CCDC183: variants seen among roughly 807,000 people sequenced by gnomAD.
CCDC183 encodes coiled-coil domain containing 183.
In CCDC183, 63 loss-of-function variants were observed where a neutral mutation model predicts 65.2. The observed-to-expected ratio is 0.97, with a 90% CI of 0.79 to 1.19. The LOEUF is 1.19. Ranked by LOEUF, CCDC183 falls within the 50% of genes most tolerant of loss-of-function variation. The probability of loss-of-function intolerance (pLI) is 0.00; values close to 1 mark genes in which losing one functional copy is unlikely to be tolerated. For synonymous variants in CCDC183, 323 were observed against 276.5 expected (o/e 1.17, Z -1.67); for missense variants, 769 against 689.3 (o/e 1.12, Z -1.30).
At chr9:136,799,009 C>G in intron 1 of CCDC183, 93 bp from the exon 2 acceptor site, 2 of 1,563,276 alleles carry the variant, frequency 1.3e-6, no homozygotes, top group South Asian at 1.2e-5. Flanking sequence ...ACCCTGGGGC[C>G]TGGGGCCTCC....
chr9:136,805,937 T>G, intron 9 of CCDC183, 141 bp from the exon 10 acceptor site: 24 of 691,130 alleles, frequency 3.5e-5, no homozygotes, highest in Non-Finnish European at 4.5e-5. Flanking sequence ...GAGGCTGCAG[T>G]GAGCTGTGAT....
chr9:136,803,774 G>A (rs1847791788), intron 6 of CCDC183, among the ~76,000 whole-genome samples: 1 of 152,196 alleles, frequency 6.6e-6, no homozygotes, highest in African/African-American at 2.4e-5. Context: ...CCCTGGGCTG[G>A]GAGGGGTGTG....
In CCDC183 at chr9:136,800,405, A is replaced by T; in HGVS notation, c.455A>T (p.Glu152Val). 1 of 1,611,498 alleles carries T rather than the reference A, an allele frequency of 6.2e-7. No individual in the cohort carries two copies. The highest frequency in any genetic ancestry group is 8.5e-7 in the Non-Finnish European group (1 of 1,178,962). ...CCGCCCCAGATCATCCGCCAGCTGGAGAACAACATCGAGAAGACAATGATC... is the reference window on the plus strand; with the variant it reads ...CCGCCCCAGATCATCCGCCAGCTGGTGAACAACATCGAGAAGACAATGATC... ...LRLLQIIRQLENNIEKTMIKI... is the reference protein window; with the variant it reads ...LRLLQIIRQLVNNIEKTMIKI... The change falls in exon 5 of 14, where the codon GAG becomes GTG. Residue 152 changes from glutamate to valine, a missense_variant. Coordinates refer to ENST00000338005, the MANE Select transcript of CCDC183 (RefSeq NM_001039374.5).
Position 136,804,414 on chromosome 9 carries a change from A to G in CCDC183, c.667-88A>G, listed in dbSNP as rs1016532080. 4 of 1,500,364 alleles carry G rather than the reference A, an allele frequency of 2.7e-6. No individual in the cohort carries two copies. Among genetic ancestry groups the G allele is most frequent in the Non-Finnish European group, 3.6e-6 (4 of 1,120,978 alleles). The allele number at this position is 1,500,364 out of a possible 1,614,324, so 92.9% of individuals were successfully genotyped here. A position where few individuals can be genotyped will look rare whatever the true frequency, so the allele number is the denominator to read the frequency against. ...TGCAGTTCCAAAGTCTAGTAAGGTG[A>G]GCATGGCCAACCGCCCGCTGGCTTT... On this transcript the variant is annotated intron_variant, in intron 6 of 13. Coordinates refer to ENST00000338005, the MANE Select transcript of CCDC183 (RefSeq NM_001039374.5). The surrounding 1 kb of genome is among the most constrained non-coding windows in gnomAD (Gnocchi z 4.1).
In CCDC183 at chr9:136,806,061, T is replaced by C. The variant is rs948076206; in HGVS notation, c.949-17T>C. On this transcript the variant is annotated splice_polypyrimidine_tract_variant and intron_variant, in intron 9 of 13. Transcript: ENST00000338005. ...ATCCTGGCCCACACCTGCTTCTCTC[T>C]CCCCCGGACTGGCCAGGACATCACT... is the stretch of plus-strand genomic sequence containing the variant. 3 of 1,544,826 alleles carry C rather than the reference T, an allele frequency of 1.9e-6. No homozygotes were observed. Among genetic ancestry groups the C allele is most frequent in the East Asian group, 4.9e-5 (2 of 40,872 alleles).
At chr9:136,800,894 T>G (rs1227121077) in intron 5 of CCDC183, 1 of 205,504 alleles carries the variant, frequency 4.9e-6, no homozygotes, top group Non-Finnish European at 9.9e-6. Context: ...CCCTGCTCCC[T>G]GCAGACGAGG....
At position 136,803,162 on chromosome 9, in the gene CCDC183, CCAGCCCTCTT is replaced by C. The variant is rs1564350085; in HGVS notation, c.666+377_666+386del. On this transcript the variant is annotated intron_variant, in intron 6 of 13. Coordinates refer to ENST00000338005, the MANE Select transcript of CCDC183 (RefSeq NM_001039374.5). ...GGCCCAGGGCTGGGGCCCCCCAGGG[CCAGCCCTCTT>C]GGATCTTCGGATGGGGTCAAGGTGA... Among the ~76,000 whole-genome samples, 61 of 53,232 alleles carry C rather than the reference CCAGCCCTCTT, an allele frequency of 1.1e-3. 1 individual carries two copies. The highest frequency in any genetic ancestry group is 5.4e-3 in the Admixed American group (40 of 7,360). 34.9% of individuals were successfully genotyped at this position (53,232 alleles called of 152,430 possible). A position where few individuals can be genotyped will look rare whatever the true frequency, so the allele number is the denominator to read the frequency against.
rs1260462982 is a variant in CCDC183, at chr9:136,806,232, C to T, written c.1103C>T (p.Ser368Phe). 1 of 1,591,064 alleles carries T rather than the reference C, an allele frequency of 6.3e-7. No individual in the cohort carries two copies. Among genetic ancestry groups the T allele is most frequent in the African/African-American group, 1.3e-5 (1 of 74,402 alleles). ...CTCAAGTTCCGCCAGAAGCCTAGCT[C>T]CATCAGGTGCCCCGGGCTTCCGGGG... is the stretch of plus-strand genomic sequence containing the variant. Reference protein sequence around the residue: ...AVLKFRQKPSSISFKSVEKKM... With the variant: ...AVLKFRQKPSFISFKSVEKKM... The change falls in exon 10 of 14, where the codon TCC becomes TTC. Residue 368 changes from serine to phenylalanine, a missense_variant. Ser to Phe is a radical substitution (Grantham distance 155, BLOSUM62 -2). Transcript: ENST00000338005.
At chr9:136,806,406 T>C in intron 10 of CCDC183, 98 bp from the exon 11 acceptor site, 1 of 1,519,198 alleles carries the variant, frequency 6.6e-7, no homozygotes, top group Non-Finnish European at 9.0e-7. Flanking sequence ...AGTCCCTGAT[T>C]CTGGCACAGC....
chr9:136,803,163 C>G lies in CCDC183; in HGVS notation c.666+377C>G, dbSNP rs768875060. Among the ~76,000 whole-genome samples the G allele has an allele frequency of 1.5e-3, 66 of 45,092 alleles. 1 individual carries two copies. Among genetic ancestry groups the G allele is most frequent in the African/African-American group, 5.3e-3 (34 of 6,462 alleles). The allele number at this position is 45,092 out of a possible 152,430, so 29.6% of individuals were successfully genotyped here. A position where few individuals can be genotyped will look rare whatever the true frequency, so the allele number is the denominator to read the frequency against. On this transcript the variant is annotated intron_variant, in intron 6 of 13. Transcript: ENST00000338005. ...GCCCAGGGCTGGGGCCCCCCAGGGC[C>G]AGCCCTCTTGGATCTTCGGATGGGG...
intron 2 of CCDC183, 171 bp from the exon 3 acceptor site, chr9:136,799,542 G>A (rs1278833492): frequency 7.2e-6 from 5 of 697,442 alleles, no homozygotes; most frequent in Non-Finnish European, 1.2e-5. Context: ...CGTCGCCTCC[G>A]AACTTGGATG....
intron 13 of CCDC183, 65 bp from the exon 14 acceptor site, chr9:136,807,507 G>A (rs1248575051): frequency 1.4e-6 from 2 of 1,470,184 alleles, no homozygotes; most frequent in Non-Finnish European, 1.8e-6. Flanking sequence ...GGGGGCGAGA[G>A]GCGGGTCGGG....
intron 12 of CCDC183, 36 bp downstream of exon 12, chr9:136,806,903 G>A (rs1299757438): frequency 6.2e-6 from 10 of 1,613,354 alleles, no homozygotes; most frequent in African/African-American, 1.3e-5. Flanking sequence ...CACAGCCCAC[G>A]TCCCCTCAAA....
chr9:136,807,274 C>T, intron 13 of CCDC183: 1 of 642,426 alleles, frequency 1.6e-6, no homozygotes, highest in Admixed American at 2.9e-5. Flanking sequence ...GTTAATTTCT[C>T]CGAAAGGAGG....
intron 5 of CCDC183, among the ~76,000 whole-genome samples, chr9:136,801,058 G>A (rs1181238916): frequency 6.6e-6 from 1 of 152,232 alleles, no homozygotes; most frequent in Non-Finnish European, 1.5e-5. Flanking sequence ...TGTGGATGGG[G>A]CGGGGAGCCA....
chr9:136,803,659 G>C (rs1847789258), intron 6 of CCDC183, among the ~76,000 whole-genome samples: 2 of 152,228 alleles, frequency 1.3e-5, no homozygotes, highest in African/African-American at 4.8e-5. Context: ...TGGGGTGGCA[G>C]ATGGCTTTCC....
chr9:136,807,303 G>A (rs1189805826), intron 13 of CCDC183: 9 of 643,098 alleles, frequency 1.4e-5, no homozygotes, highest in Non-Finnish European at 2.1e-5. Flanking sequence ...CATGCCAGAC[G>A]GGCCCGGAGG....
chr9:136,807,592 A>G lies in CCDC183; in HGVS notation c.1507A>G (p.Met503Val), dbSNP rs1847886423. The G allele has an allele frequency of 1.0e-5, 16 of 1,605,762 alleles. No homozygotes were observed. Among genetic ancestry groups the G allele is most frequent in the Admixed American group, 1.7e-5 (1 of 59,264 alleles). The change falls in exon 14 of 14, where the codon ATG (methionine) becomes GTG (valine). Residue 503 changes from methionine to valine, a missense_variant. Met to Val is a conservative substitution (Grantham distance 21). Coordinates refer to ENST00000338005, the MANE Select transcript of CCDC183 (RefSeq NM_001039374.5). ...DMIDTFQFPD[M>V]DHSYVPSRAE... The stretch of plus-strand genomic sequence containing the variant: ...CGCAGACACCTTCCAGTTCCCCGAC[A>G]TGGACCACAGCTACGTCCCTTCGCG...
chr9:136,798,980 G>T, intron 1 of CCDC183, 122 bp from the exon 2 acceptor site: 2 of 1,352,586 alleles, frequency 1.5e-6, no homozygotes, highest in Non-Finnish European at 2.0e-6. Context: ...TCTTGGCCAT[G>T]GAGGGGGCAT....
Sources: allele counts gnomAD v4.1 joint callset (sites outside exome capture counted in the v4.1 genomes callset), GRCh38; gene constraint gnomAD v4.1.1; non-coding constraint Gnocchi (gnomAD v3.1); transcripts MANE v1.5; gene names NCBI Gene and HGNC (gene_info 2026-07-23, HGNC 2026-07-21).